The following KLF17 variants were observed in gnomAD, a reference collection of about 807,000 sequenced individuals.
KLF17 encodes KLF transcription factor 17.
In KLF17, 31 loss-of-function variants were observed where a neutral mutation model predicts 34.2. The ratio of observed to expected loss-of-function variants is 0.91; its 90% CI spans 0.68 to 1.22. KLF17 has a LOEUF of 1.22. KLF17 is among the 50% of genes most tolerant of loss of function. The probability of loss-of-function intolerance (pLI) is 0.00; values close to 1 mark genes in which losing one functional copy is unlikely to be tolerated. For missense variants in KLF17, 478 were observed against 505.2 expected, an observed-to-expected ratio of 0.95 and a Z score of 0.52; for synonymous variants, 179 against 186.7, an observed-to-expected ratio of 0.96 and a Z score of 0.34.
intron 1 of KLF17, among the ~76,000 whole-genome samples, chr1:44,127,692 T>TTCTTTTCTTTCTTTCTTTC (rs753421834): frequency 1.9e-4 from 17 of 90,172 alleles, no homozygotes; most frequent in African/African-American, 8.3e-4. Context: ...CTTTCTTTCT[T>TTCTTTTCTTTCTTTCTTTC]TTTCTTTCTT....
the KLF17 span, among the ~76,000 whole-genome samples, chr1:44,066,324 A>C: frequency 6.7e-6 from 1 of 150,182 alleles, no homozygotes; most frequent in African/African-American, 2.5e-5. Context: ...TCCTCAAAAG[A>C]AACAAACAAA....
chr1:44,070,738 C>T, the KLF17 span, among the ~76,000 whole-genome samples: 604 of 151,580 alleles, frequency 4.0e-3, 7 homozygotes, highest in African/African-American at 0.014. Flanking sequence ...CCAAACCCTA[C>T]GGGATTACCA....
At chr1:44,119,456 G>T (rs1487684827) in intron 1 of KLF17, among the ~76,000 whole-genome samples, 2 of 151,656 alleles carry the variant, frequency 1.3e-5, no homozygotes. Context: ...TAAGTGGTAG[G>T]CTTTTCCCAG....
the KLF17 span, among the ~76,000 whole-genome samples, chr1:44,072,022 G>A: frequency 1.3e-5 from 2 of 152,018 alleles, no homozygotes; most frequent in Non-Finnish European, 2.9e-5. Context: ...TCATGACTGG[G>A]CAAGTGATCA....
At chr1:44,071,118 T>C in the KLF17 span, among the ~76,000 whole-genome samples, 1 of 152,146 alleles carries the variant, frequency 6.6e-6, no homozygotes, top group Non-Finnish European at 1.5e-5. Flanking sequence ...ATCACTGTGA[T>C]AAATCCAATG....
intron 1 of KLF17, among the ~76,000 whole-genome samples, chr1:44,119,979 G>C (rs770498638): frequency 3.3e-5 from 5 of 152,194 alleles, no homozygotes; most frequent in African/African-American, 4.8e-5. Flanking sequence ...AGTGAGAGTG[G>C]AGATGGAGAA....
At position 44,129,560 on chromosome 1, in the gene KLF17, G is replaced by A; in HGVS notation, c.289G>A (p.Gly97Ser). The change falls in exon 2 of 4, where the codon GGT (glycine) becomes AGT (serine). Residue 97 changes from glycine (G) to serine (S), a missense_variant. Coordinates refer to ENST00000372299, the MANE Select transcript of KLF17 (RefSeq NM_173484.4). Reference sequence around the variant, plus strand: ...GTTCAGTATGCCACTGCCTGAGCGTGGTATGAGCTACTGCCCCCAAGCGAC... The same window carrying A: ...GTTCAGTATGCCACTGCCTGAGCGTAGTATGAGCTACTGCCCCCAAGCGAC... ...PQFSMPLPER[G>S]MSYCPQATLT... is the part of the protein sequence containing the mutation. 1 of 1,613,942 alleles carries A rather than the reference G, an allele frequency of 6.2e-7. No individual in the cohort carries two copies. The highest frequency in any genetic ancestry group is 1.1e-5 in the South Asian group (1 of 91,014).
chr1:44,120,363 A>G (rs994845176), intron 1 of KLF17, among the ~76,000 whole-genome samples: 2 of 152,252 alleles, frequency 1.3e-5, no homozygotes, highest in African/African-American at 4.8e-5. Flanking sequence ...TTGCCCAGAG[A>G]GAGCAGGGAA....
At chr1:44,102,690 T>G in the KLF17 span, among the ~76,000 whole-genome samples, 1 of 151,204 alleles carries the variant, frequency 6.6e-6, no homozygotes, top group African/African-American at 2.4e-5. Context: ...AACTGTAGAC[T>G]TTGGGTGATA....
At chr1:44,057,510 G>T in the KLF17 span, among the ~76,000 whole-genome samples, 1 of 152,168 alleles carries the variant, frequency 6.6e-6, no homozygotes, top group African/African-American at 2.4e-5. Context: ...AGCAGCTAAA[G>T]CCACAGCTAA....
chr1:44,087,607 C>T, the KLF17 span, among the ~76,000 whole-genome samples: 1 of 150,140 alleles, frequency 6.7e-6, no homozygotes, highest in Non-Finnish European at 1.5e-5. Context: ...GATGGAGGTA[C>T]AAGCAGGGTA....
Position 44,130,043 on chromosome 1 carries a change from G to A in KLF17, c.772G>A (p.Ala258Thr). ...ATTTCTACCAGAGCAGCCCGGACCTGCTCCACAGACAGTAGAGAAGAACTC... is the reference window on the plus strand; with the variant it reads ...ATTTCTACCAGAGCAGCCCGGACCTACTCCACAGACAGTAGAGAAGAACTC... ...GPFLPEQPGP[A>T]PQTVEKNSRP... Residue 258 changes from alanine to threonine, a missense_variant, in exon 2 of 4, where the codon GCT becomes ACT. Physicochemically the swap from Ala to Thr is moderately conservative, Grantham distance 58 (BLOSUM62 0). Transcript: ENST00000372299. 2 of 1,614,208 alleles carry A rather than the reference G, an allele frequency of 1.2e-6. No individual in the cohort carries two copies. The highest frequency in any genetic ancestry group is 1.1e-5 in the South Asian group (1 of 91,084).
chr1:44,118,513 C>T (rs187055014), upstream of KLF17, among the ~76,000 whole-genome samples: 8 of 152,336 alleles, frequency 5.3e-5, no homozygotes, highest in African/African-American at 1.9e-4. Context: ...TCTCTCCAGC[C>T]TCGCCTCTCT....
the KLF17 span, among the ~76,000 whole-genome samples, chr1:44,102,840 A>G: frequency 1.4e-5 from 2 of 139,500 alleles, no homozygotes; most frequent in Non-Finnish European, 3.2e-5. Context: ...TTTTCTGTGA[A>G]CCTAAAACTG....
At chr1:44,047,099 C>T in the KLF17 span, among the ~76,000 whole-genome samples, 1 of 149,174 alleles carries the variant, frequency 6.7e-6, no homozygotes, top group East Asian at 2.0e-4. Context: ...TTTATGCTTA[C>T]TTTGTTGTTG....
the KLF17 span, among the ~76,000 whole-genome samples, chr1:44,089,140 C>T: frequency 6.6e-6 from 1 of 152,086 alleles, no homozygotes; most frequent in Non-Finnish European, 1.5e-5. Flanking sequence ...GGCAGGGGTA[C>T]ACTGTGTTGG....
At chr1:44,053,268 G>A in the KLF17 span, among the ~76,000 whole-genome samples, 6 of 152,126 alleles carry the variant, frequency 3.9e-5, no homozygotes, top group African/African-American at 1.4e-4. Flanking sequence ...AAGGAAAATG[G>A]GAAGAAGTCC....
the KLF17 span, among the ~76,000 whole-genome samples, chr1:44,075,498 A>G: frequency 3.9e-5 from 6 of 152,222 alleles, no homozygotes; most frequent in Admixed American, 1.3e-4. Context: ...TTATTTGACC[A>G]GGGTCAAATA....
the KLF17 span, among the ~76,000 whole-genome samples, chr1:44,047,585 CTAG>C: frequency 0.11 from 16,637 of 152,134 alleles, 1,244 homozygotes; most frequent in African/African-American, 0.21. Flanking sequence ...ATCAACATCA[CTAG>C]TAGCCCATCT....
Sources: gnomAD v4.1 joint callset for allele counts (sites outside exome capture counted in the v4.1 genomes callset) on GRCh38, gnomAD v4.1.1 for gene constraint, MANE v1.5 for transcripts, NCBI Gene and HGNC (gene_info 2026-07-23, HGNC 2026-07-21) for gene names.